The following NLRX1 variants were observed in gnomAD, a reference collection of about 807,000 sequenced individuals.
NLRX1 encodes the protein NOD-like receptor X1.
Under a neutral mutation model 74.2 loss-of-function variants are expected in NLRX1, and 67 were observed. That is an observed-to-expected ratio of 0.90 (90% CI 0.74 to 1.11). The LOEUF is 1.11. NLRX1 is among the 50% of genes least tolerant of loss of function. NLRX1 has a pLI of 0.00. For synonymous variants in NLRX1, 506 were observed against 559.1 expected, an observed-to-expected ratio of 0.91 and a Z score of 1.34; for missense variants, 1,191 against 1,305.4, an observed-to-expected ratio of 0.91 and a Z score of 1.35.
intron 8 of NLRX1, 47 bp from the exon 9 acceptor site, chr11:119,182,047 C>G: frequency 6.3e-7 from 1 of 1,597,312 alleles, no homozygotes; most frequent in Non-Finnish European, 8.6e-7. Context: ...CTTGCCTCCC[C>G]CTCCTCTCAA....
In NLRX1 at chr11:119,183,038, C is replaced by T; in HGVS notation, c.2607-80C>T. 2 of 1,324,748 alleles carry T rather than the reference C, an allele frequency of 1.5e-6. No homozygotes were observed. The highest frequency in any genetic ancestry group is 2.1e-6 in the Non-Finnish European group (2 of 962,242). The allele number at this position is 1,324,748 out of a possible 1,614,324, so 82.1% of individuals were successfully genotyped here. ...AGCCAGGAGATGAGTTGTGAGGCCC[C>T]CTGACTTTCCATCCATCTACCCTCG... On this transcript the variant is annotated intron_variant, in intron 9 of 9. Transcript: ENST00000409109. This position sits in a 1 kb window ranked among gnomAD's most constrained non-coding sequence, Gnocchi z 5.7.
rs1364513350 is a variant in NLRX1, at chr11:119,172,928, G to A, written c.168G>A (p.Ser56=). 12 of 1,613,814 alleles carry A rather than the reference G, an allele frequency of 7.4e-6. No individual in the cohort carries two copies. The highest frequency in any genetic ancestry group is 2.7e-5 in the African/African-American group (2 of 74,870). ...CCTTTATACGCCACCACGGAAGCTC[G>A]GTAGATAGCGCTCCCCCACCCGGGA... is the stretch of plus-strand genomic sequence containing the variant. ...PRAFIRHHGS[S]VDSAPPPGRH... Residue 56 remains serine, a synonymous_variant, in exon 4 of 10, where the codon TCG becomes TCA. Transcript: ENST00000409109.
intron 7 of NLRX1, 61 bp from the exon 8 acceptor site, chr11:119,181,110 G>C: frequency 2.5e-6 from 3 of 1,178,620 alleles, no homozygotes; most frequent in Non-Finnish European, 3.8e-6. Context: ...TAGATGGACA[G>C]ACTGCCTGCT....
intron 6 of NLRX1, among the ~76,000 whole-genome samples, chr11:119,178,229 A>T (rs1465083654): frequency 6.6e-6 from 1 of 152,242 alleles, no homozygotes; most frequent in Non-Finnish European, 1.5e-5. Context: ...AGGACGTGCC[A>T]CAAAACAACG....
intron 1 of NLRX1, among the ~76,000 whole-genome samples, chr11:119,169,915 G>A (rs1225537053): frequency 2.7e-5 from 4 of 148,342 alleles, no homozygotes; most frequent in African/African-American, 9.9e-5. Flanking sequence ...AGGATGGCTT[G>A]AGCCCAGGAG....
At position 119,172,470 on chromosome 11, in the gene NLRX1, G is replaced by A. The variant is rs1948574789; in HGVS notation, c.140+45G>A. 4.3e-6 allele frequency: 6 copies of A among 1,409,094 alleles called. No individual in the cohort carries two copies. The East Asian group carries it at 1.4e-4, about 32-fold the overall frequency. The allele number at this position is 1,409,094 out of a possible 1,614,324, so 87.3% of individuals were successfully genotyped here. ...CCTTAGGACTAGTCTGGGCACAACA[G>A]AGCAGACTGGGAAGGGTCAGGACTT... On this transcript the variant is annotated intron_variant, in intron 3 of 9. Coordinates refer to ENST00000409109, the MANE Select transcript of NLRX1 (RefSeq NM_001282144.2).
Position 119,182,265 on chromosome 11 carries a change from G to T in NLRX1, c.2526G>T (p.Val842=). The part of the protein sequence containing the change: ...DRNRQLQELN[V]AYNGAGDTAA... Reference sequence around the variant, plus strand: ...ACCGGCAGCTGCAGGAGCTGAACGTGGCGTACAACGGTGCTGGTGACACAG... The same window carrying T: ...ACCGGCAGCTGCAGGAGCTGAACGTTGCGTACAACGGTGCTGGTGACACAG... The change falls in exon 9 of 10, where the codon GTG becomes GTT. Residue 842 remains valine (V), a synonymous_variant. Transcript: ENST00000409109. 5 of 1,613,764 alleles carry T rather than the reference G, an allele frequency of 3.1e-6. No individual in the cohort carries two copies. The highest frequency in any genetic ancestry group is 4.2e-6 in the Non-Finnish European group (5 of 1,180,034).
intron 8 of NLRX1, among the ~76,000 whole-genome samples, chr11:119,181,823 G>C (rs1948843513): frequency 1.3e-5 from 2 of 152,124 alleles, no homozygotes; most frequent in East Asian, 1.9e-4. Context: ...GAAGGGAATA[G>C]ATAAGAAGGG....
Position 119,183,346 on chromosome 11 carries a change from TGC to T in NLRX1, c.2836_2837del (p.Ala946HisfsTer3), listed in dbSNP as rs1399915980. On this transcript the variant is annotated frameshift_variant, in exon 10 of 10. Coordinates refer to ENST00000409109, the MANE Select transcript of NLRX1 (RefSeq NM_001282144.2). LOFTEE classifies it high-confidence loss of function. The surrounding 1 kb of genome is among the most constrained non-coding windows in gnomAD (Gnocchi z 5.7). ...LLRDLEDSRGATLNPWRKAQL... is the reference protein window; with the variant it reads ...LLRDLEDSRGXTLNPWRKAQL... Reference sequence around the variant, plus strand: ...TGCGGGATCTGGAAGATAGCCGGGGTGCCACCCTTAATCCTTGGCGCAAGGCC... The same window carrying T: ...TGCGGGATCTGGAAGATAGCCGGGGTCACCCTTAATCCTTGGCGCAAGGCC... The T allele has an allele frequency of 6.2e-7, 1 of 1,613,994 alleles. No homozygotes were observed. The highest frequency in any genetic ancestry group is 1.3e-5 in the African/African-American group (1 of 74,882).
Position 119,183,358 on chromosome 11 carries a change from T to A in NLRX1, c.2847T>A (p.Asn949Lys), listed in dbSNP as rs750634312. Residue 949 changes from asparagine (N) to lysine (K), a missense_variant, in exon 10 of 10, where the codon AAT becomes AAA. Coordinates refer to ENST00000409109, the MANE Select transcript of NLRX1 (RefSeq NM_001282144.2). The surrounding 1 kb of genome is among the most constrained non-coding windows in gnomAD (Gnocchi z 5.7). The part of the protein sequence containing the change: ...DLEDSRGATL[N>K]PWRKAQLLRV... ...AAGATAGCCGGGGTGCCACCCTTAA[T>A]CCTTGGCGCAAGGCCCAGCTGCTGC... 8 of 1,614,180 alleles carry A rather than the reference T, an allele frequency of 5.0e-6. No individual in the cohort carries two copies. The highest frequency in any genetic ancestry group is 2.2e-5 in the East Asian group (1 of 44,890).
chr11:119,171,288 C>A, intron 1 of NLRX1, 68 bp from the exon 2 acceptor site: 1 of 1,100,322 alleles, frequency 9.1e-7, no homozygotes, highest in Non-Finnish European at 1.3e-6. Context: ...CCCTCCTTGG[C>A]TGGAATGGGG....
At chr11:119,171,815 G>A (rs1948557381) in intron 2 of NLRX1, among the ~76,000 whole-genome samples, 1 of 152,054 alleles carries the variant, frequency 6.6e-6, no homozygotes, top group Non-Finnish European at 1.5e-5. Context: ...AATTAACCAG[G>A]TGTAGTGGTG....
Position 119,173,533 on chromosome 11 carries a change from G to T in NLRX1, c.284G>T (p.Arg95Met), listed in dbSNP as rs1244840881. 1 of 1,614,140 alleles carries T rather than the reference G, an allele frequency of 6.2e-7. No homozygotes were observed. The highest frequency in any genetic ancestry group is 2.2e-5 in the East Asian group (1 of 44,868). ...GCTGAGTGGTTCAGCCGGCTGCCCAGGGAGGAGCGCCAGTTTGGCCCAACC... is the reference window on the plus strand; with the variant it reads ...GCTGAGTGGTTCAGCCGGCTGCCCATGGAGGAGCGCCAGTTTGGCCCAACC... ...NLAEWFSRLPREERQFGPTFA... is the reference protein window; with the variant it reads ...NLAEWFSRLPMEERQFGPTFA... The change falls in exon 5 of 10, where the codon AGG (arginine) becomes ATG (methionine). Residue 95 changes from arginine (R) to methionine (M), a missense_variant. By Grantham distance (91) the Arg-to-Met change is moderately conservative. Coordinates refer to ENST00000409109, the MANE Select transcript of NLRX1 (RefSeq NM_001282144.2). The surrounding 1 kb of genome is among the most constrained non-coding windows in gnomAD (Gnocchi z 4.0).
At position 119,183,149 on chromosome 11, in the gene NLRX1, C is replaced by T. The variant is rs150722993; in HGVS notation, c.2638C>T (p.Arg880Cys). The T allele has an allele frequency of 6.3e-5, 101 of 1,614,074 alleles. No individual in the cohort carries two copies. In the African/African-American group the frequency reaches 7.5e-4, roughly 12 times the overall value. ...CTTCAATGAGCTGAGCTCAGAGGGCCGCCAGGTCTTGCGAGACTTGGGGGG... is the reference window on the plus strand; with the variant it reads ...CTTCAATGAGCTGAGCTCAGAGGGCTGCCAGGTCTTGCGAGACTTGGGGGG... ...LYFNELSSEG[R>C]QVLRDLGGAA... is the part of the protein sequence containing the mutation. Residue 880 changes from arginine to cysteine, a missense_variant, in exon 10 of 10, where the codon CGC becomes TGC. Physicochemically the swap from Arg to Cys is radical, Grantham distance 180. Transcript: ENST00000409109. This position sits in a 1 kb window ranked among gnomAD's most constrained non-coding sequence, Gnocchi z 5.7.
chr11:119,172,933 A>C lies in NLRX1; in HGVS notation c.173A>C (p.Asp58Ala). The change falls in exon 4 of 10, where the codon GAT (aspartate) becomes GCT (alanine). Residue 58 changes from aspartate to alanine, a missense_variant. Transcript: ENST00000409109. ...ATACGCCACCACGGAAGCTCGGTAG[A>C]TAGCGCTCCCCCACCCGGGAGGCAT... ...AFIRHHGSSV[D>A]SAPPPGRHGR... 6.2e-7 allele frequency: 1 copy of C among 1,614,008 alleles called. No homozygotes were observed. The highest frequency in any genetic ancestry group is 1.3e-5 in the African/African-American group (1 of 75,010).
Position 119,174,002 on chromosome 11 carries a change from C to T in NLRX1, c.753C>T (p.Phe251=), listed in dbSNP as rs374158818. The change falls in exon 5 of 10, where the codon TTC becomes TTT. Residue 251 remains phenylalanine (F), a synonymous_variant. Coordinates refer to ENST00000409109, the MANE Select transcript of NLRX1 (RefSeq NM_001282144.2). ...LHGLEHLNLD[F]RLAGTGLCSD... ...GCTTAGAGCATCTCAACCTCGACTT[C>T]CGGCTGGCAGGCACGGGACTTTGTA... 4 of 1,614,184 alleles carry T rather than the reference C, an allele frequency of 2.5e-6. No individual in the cohort carries two copies. The highest frequency in any genetic ancestry group is 3.4e-6 in the Non-Finnish European group (4 of 1,180,030).
chr11:119,173,462 C>G lies in NLRX1; in HGVS notation c.230-17C>G. 1 of 1,606,746 alleles carries G rather than the reference C, an allele frequency of 6.2e-7. No individual in the cohort carries two copies. Among genetic ancestry groups the G allele is most frequent in the East Asian group, 2.2e-5 (1 of 44,786 alleles). On this transcript the variant is annotated splice_polypyrimidine_tract_variant and intron_variant, in intron 4 of 9. Coordinates refer to ENST00000409109, the MANE Select transcript of NLRX1 (RefSeq NM_001282144.2). This position sits in a 1 kb window ranked among gnomAD's most constrained non-coding sequence, Gnocchi z 4.0. ...AGGCCCCTTTCCCTGACACATTTCC[C>G]TTATCTTCCCACTCAGAAGCTATAC...
Position 119,183,097 on chromosome 11 carries a change from C to T in NLRX1, c.2607-21C>T, listed in dbSNP as rs373282133. The T allele has an allele frequency of 1.4e-5, 23 of 1,609,122 alleles. 2 individuals are homozygous for T. The East Asian group carries it at 2.5e-4, about 17-fold the overall frequency. On this transcript the variant is annotated intron_variant, in intron 9 of 9. Transcript: ENST00000409109. This position sits in a 1 kb window ranked among gnomAD's most constrained non-coding sequence, Gnocchi z 5.7. ...TTCTCAGAGCTCTACTGAATGGCAT[C>T]GACTTTCTCTCTCCTGCCAGCCTCT...
intron 5 of NLRX1, 64 bp downstream of exon 5, chr11:119,174,162 T>G: frequency 6.4e-7 from 1 of 1,566,046 alleles, no homozygotes; most frequent in Non-Finnish European, 8.7e-7. Context: ...GGTCCTGGGT[T>G]ACTTTAACTC....
Sources: gnomAD v4.1 joint callset for allele counts (sites outside exome capture counted in the v4.1 genomes callset) on GRCh38, gnomAD v4.1.1 for gene constraint, Gnocchi (gnomAD v3.1) non-coding constraint, MANE v1.5 for transcripts, NCBI Gene and HGNC (gene_info 2026-07-23, HGNC 2026-07-21) for gene names.